PALM2AKAP2: variants seen among roughly 807,000 people sequenced by gnomAD.
PALM2AKAP2 encodes the protein PALM2 and AKAP2 fusion.
A neutral mutation model predicts 71.5 loss-of-function variants in PALM2AKAP2; 37 were observed. The observed-to-expected ratio is 0.52, with a 90% CI of 0.40 to 0.68. PALM2AKAP2 has a LOEUF of 0.68. PALM2AKAP2 is among the 30% of genes least tolerant of loss of function. The probability of loss-of-function intolerance (pLI) is 0.00; values close to 1 mark genes in which losing one functional copy is unlikely to be tolerated. For missense variants in PALM2AKAP2, 1,224 were observed against 1,191.8 expected (o/e 1.03, Z -0.40); for synonymous variants, 468 against 478.8 (o/e 0.98, Z 0.29).
intron 1 of PALM2AKAP2, among the ~76,000 whole-genome samples, chr9:109,684,477 C>T (rs1827780584): frequency 6.6e-6 from 1 of 152,032 alleles, no homozygotes; most frequent in South Asian, 2.1e-4. Context: ...TGAGAAACTG[C>T]AGGGGGCAGG....
upstream of PALM2AKAP2, among the ~76,000 whole-genome samples, chr9:110,045,952 A>C (rs1833589120): frequency 6.6e-6 from 1 of 152,152 alleles, no homozygotes; most frequent in Non-Finnish European, 1.5e-5. Context: ...CAACCTCAGC[A>C]TTACTGACAT....
chr9:110,027,921 C>A (rs192159657), intron 7 of PALM2AKAP2, among the ~76,000 whole-genome samples: 8 of 151,984 alleles, frequency 5.3e-5, no homozygotes, highest in African/African-American at 1.9e-4. Flanking sequence ...GGACTCTGGA[C>A]AAAAAAGAGA....
At chr9:109,851,613 A>G (rs1011163765) in intron 1 of PALM2AKAP2, among the ~76,000 whole-genome samples, 1 of 152,128 alleles carries the variant, frequency 6.6e-6, no homozygotes, top group African/African-American at 2.4e-5. Flanking sequence ...CCCACTTTTG[A>G]TGCATGATAA....
At chr9:110,064,278 G>A (rs1834025626) in intron 1 of PALM2AKAP2, among the ~76,000 whole-genome samples, 1 of 152,152 alleles carries the variant, frequency 6.6e-6, no homozygotes, top group African/African-American at 2.4e-5. Context: ...GTTAATAGAA[G>A]GCGATTTTTG....
At chr9:109,954,520 AG>A (rs1305940892) in intron 6 of PALM2AKAP2, among the ~76,000 whole-genome samples, 3 of 42,114 alleles carry the variant, frequency 7.1e-5, no homozygotes, top group East Asian at 7.9e-4. Flanking sequence ...GGGTGGGGGG[AG>A]GGGGGAGGGA....
intron 3 of PALM2AKAP2, among the ~76,000 whole-genome samples, chr9:110,162,957 C>T (rs1836639994): frequency 1.3e-5 from 2 of 152,132 alleles, no homozygotes; most frequent in African/African-American, 4.8e-5. Flanking sequence ...AGTGATCCTC[C>T]TGCCTCAGCC....
At chr9:109,728,048 C>G (rs1424321606) in intron 1 of PALM2AKAP2, among the ~76,000 whole-genome samples, 1 of 152,178 alleles carries the variant, frequency 6.6e-6, no homozygotes, top group East Asian at 1.9e-4. Flanking sequence ...TGAGTCTCCT[C>G]CACTACAGTT....
intron 6 of PALM2AKAP2, among the ~76,000 whole-genome samples, chr9:110,006,352 T>TTCTTTCTTTCTC (rs1176022782): frequency 6.9e-6 from 1 of 145,866 alleles, no homozygotes; most frequent in Non-Finnish European, 1.5e-5. Context: ...CTTTCTTTCT[T>TTCTTTCTTTCTC]TCTTTCTTTC....
intron 1 of PALM2AKAP2, among the ~76,000 whole-genome samples, chr9:109,849,620 G>T (rs1380667725): frequency 1.3e-5 from 2 of 152,116 alleles, no homozygotes; most frequent in Non-Finnish European, 2.9e-5. Flanking sequence ...GCCAGGCATG[G>T]TGGCGTGCAC....
rs371354620 is a variant in PALM2AKAP2, at chr9:110,108,118, CT to C, written c.157-27995del. On this transcript the variant is annotated intron_variant, in intron 1 of 3. Coordinates refer to ENST00000374525, the Ensembl canonical transcript of PALM2AKAP2. The stretch of plus-strand genomic sequence containing the variant: ...TTGTGCCTTTTGTTTTTCTTTTTTT[CT>C]TTTTTTTTTTTTTGAGATGGAGTTT... Among the ~76,000 whole-genome samples, 746 of 111,138 alleles carry C rather than the reference CT, an allele frequency of 6.7e-3. 4 individuals carry two copies. The highest frequency in any genetic ancestry group is 0.021 in the African/African-American group (599 of 29,122). The allele number at this position is 111,138 out of a possible 152,430, so 72.9% of individuals were successfully genotyped here. A position where few individuals can be genotyped will look rare whatever the true frequency, so the allele number is the denominator to read the frequency against.
intron 6 of PALM2AKAP2, among the ~76,000 whole-genome samples, chr9:109,948,429 TAA>T (rs2132067912): frequency 6.6e-6 from 1 of 152,332 alleles, no homozygotes; most frequent in East Asian, 1.9e-4. Flanking sequence ...TATGAAAATA[TAA>T]TATGTAATTT....
chr9:109,957,624 G>A (rs1197205091), intron 6 of PALM2AKAP2, among the ~76,000 whole-genome samples: 1 of 152,194 alleles, frequency 6.6e-6, no homozygotes, highest in African/African-American at 2.4e-5. Context: ...ATTCCCACCT[G>A]CAGGGTGAAC....
intron 1 of PALM2AKAP2, among the ~76,000 whole-genome samples, chr9:109,816,624 G>A (rs1827860500): frequency 6.6e-6 from 1 of 152,204 alleles, no homozygotes; most frequent in Non-Finnish European, 1.5e-5. Flanking sequence ...TGTGGGAATA[G>A]GGTTGAATGA....
At chr9:109,936,656 A>G (rs1175369351) in intron 6 of PALM2AKAP2, among the ~76,000 whole-genome samples, 2 of 152,080 alleles carry the variant, frequency 1.3e-5, no homozygotes, top group Non-Finnish European at 2.9e-5. Context: ...CTTCTCTCCT[A>G]CTGTACTTTA....
chr9:109,848,454 C>G (rs1171428123), intron 1 of PALM2AKAP2, among the ~76,000 whole-genome samples: 1 of 152,200 alleles, frequency 6.6e-6, no homozygotes, highest in African/African-American at 2.4e-5. Context: ...TGTGACTTAT[C>G]TTTGTGCCCA....
intron 6 of PALM2AKAP2, among the ~76,000 whole-genome samples, chr9:110,005,829 C>A (rs183534078): frequency 6.6e-6 from 1 of 152,190 alleles, no homozygotes; most frequent in Non-Finnish European, 1.5e-5. Context: ...CTGAGCCAGG[C>A]GTGGGATACA....
chr9:110,066,288 C>T (rs1159673053), intron 1 of PALM2AKAP2, among the ~76,000 whole-genome samples: 1 of 152,218 alleles, frequency 6.6e-6, no homozygotes, highest in Non-Finnish European at 1.5e-5. Flanking sequence ...TTGTGACTTC[C>T]TGTCCTTGTC....
chr9:109,751,116 GT>G (rs1175649868), intron 1 of PALM2AKAP2, among the ~76,000 whole-genome samples: 1 of 152,096 alleles, frequency 6.6e-6, no homozygotes, highest in Non-Finnish European at 1.5e-5. Flanking sequence ...GTTCTGTTTT[GT>G]TTGCTTTCAA....
intron 1 of PALM2AKAP2, among the ~76,000 whole-genome samples, chr9:109,795,390 C>CT (rs1564152170): frequency 6.6e-6 from 1 of 152,184 alleles, no homozygotes; most frequent in African/African-American, 2.4e-5. Context: ...ATGTCAAAGT[C>CT]TTTTTTATTT....
Sources: gnomAD v4.1 joint callset for allele counts (sites outside exome capture counted in the v4.1 genomes callset) on GRCh38, gnomAD v4.1.1 for gene constraint, MANE v1.5 for transcripts, NCBI Gene and HGNC (gene_info 2026-07-23, HGNC 2026-07-21) for gene names.